The following MAP3K19 variants were observed in gnomAD, a reference collection of about 807,000 sequenced individuals.
MAP3K19 encodes the protein SPS1/STE20-related protein kinase YSK4.
MAP3K19 carries 91 observed loss-of-function variants against 114.4 expected under a neutral mutation model. The ratio of observed to expected loss-of-function variants is 0.80; its 90% CI spans 0.67 to 0.95. The LOEUF (loss-of-function observed/expected upper bound fraction) is 0.95, where lower values mean the gene tolerates loss of function less well. Ranked by LOEUF, MAP3K19 falls within the 40% of genes least tolerant of loss-of-function variation. The probability of loss-of-function intolerance (pLI) is 0.00; values close to 1 mark genes in which losing one functional copy is unlikely to be tolerated. For missense variants in MAP3K19, 1,471 were observed against 1,573.2 expected, an observed-to-expected ratio of 0.94 and a Z score of 1.10; for synonymous variants, 518 against 530.5, an observed-to-expected ratio of 0.98 and a Z score of 0.32.
chr2:134,967,090 A>G (rs558769290), intron 12 of MAP3K19, among the ~76,000 whole-genome samples: 134 of 152,320 alleles, frequency 8.8e-4, no homozygotes, highest in African/African-American at 3.2e-3. Flanking sequence ...GTGTTGTATG[A>G]AATCAAGGTT....
intron 5 of MAP3K19, among the ~76,000 whole-genome samples, chr2:135,020,153 G>A (rs940809521): frequency 2.6e-5 from 4 of 152,118 alleles, no homozygotes; most frequent in African/African-American, 9.7e-5. Flanking sequence ...GAGTAGCTGG[G>A]ATTACAGGTG....
Position 134,980,894 on chromosome 2 carries a change from G to T in MAP3K19, c.3847C>A (p.Arg1283=). The T allele has an allele frequency of 1.9e-6, 3 of 1,614,196 alleles. No homozygotes were observed. Among genetic ancestry groups the T allele is most frequent in the Non-Finnish European group, 2.5e-6 (3 of 1,180,042 alleles). ...TCTGGTAAAGGAGGCATCAGCCCTCGGTGTGCTCCGATGTAAAACATGGCG... is the reference window on the plus strand; with the variant it reads ...TCTGGTAAAGGAGGCATCAGCCCTCTGTGTGCTCCGATGTAAAACATGGCG... ...MAAMFYIGAH[R]GLMPPLPDHF... The change falls in exon 12 of 13, where the codon CGA becomes AGA. Residue 1283 remains arginine, a synonymous_variant. Transcript: ENST00000392915.
At chr2:135,022,611 T>A (rs964467429) in intron 4 of MAP3K19, among the ~76,000 whole-genome samples, 1 of 152,208 alleles carries the variant, frequency 6.6e-6, no homozygotes, top group Non-Finnish European at 1.5e-5. Flanking sequence ...TGAGGATAAT[T>A]TCTGCACAAT....
chr2:135,040,276 G>T (rs751206630), intron 2 of MAP3K19, 87 bp downstream of exon 2: 5 of 152,614 alleles, frequency 3.3e-5, no homozygotes, highest in Non-Finnish European at 5.9e-5. Context: ...ATGGCAATGG[G>T]TGATATCACT....
chr2:134,969,935 T>C (rs1377994483), intron 12 of MAP3K19, among the ~76,000 whole-genome samples: 2 of 152,256 alleles, frequency 1.3e-5, no homozygotes, highest in African/African-American at 4.8e-5. Flanking sequence ...TGGGGACTTA[T>C]TTCTGGGTTC....
intron 8 of MAP3K19, among the ~76,000 whole-genome samples, chr2:134,996,130 T>C (rs969804947): frequency 1.3e-5 from 2 of 151,498 alleles, no homozygotes; most frequent in African/African-American, 4.9e-5. Context: ...TTTTTATATA[T>C]GTACTTTTTT....
Position 134,981,189 on chromosome 2 carries a change from A to G in MAP3K19, c.3552T>C (p.His1184=), listed in dbSNP as rs770353326. 6.2e-7 allele frequency: 1 copy of G among 1,614,114 alleles called. No individual in the cohort carries two copies. The highest frequency in any genetic ancestry group is 1.1e-5 in the South Asian group (1 of 91,082). ...VAYLHENCVV[H]RDIKGNNVML... is the part of the protein sequence containing the mutation. ...TAACATTATTTCCTTTGATATCGCG[A>G]TGTACCACACAGTTCTCATGGAGAT... is the stretch of plus-strand genomic sequence containing the variant. Residue 1184 remains histidine, a synonymous_variant, in exon 12 of 13, where the codon CAT becomes CAC. Transcript: ENST00000392915.
chr2:134,998,959 T>C lies in MAP3K19; in HGVS notation c.353A>G (p.His118Arg), dbSNP rs776061897. The change falls in exon 8 of 13, where the codon CAT becomes CGT. Residue 118 changes from histidine to arginine, a missense_variant. By Grantham distance (29) the His-to-Arg change is conservative. Coordinates refer to ENST00000392915, the MANE Select transcript of MAP3K19 (RefSeq NM_025052.5). ...TATTTCATTTGGATGAGAAACTGCA[T>C]GTGCTTGTGCCCATTCTTGAAGCGA... ...NSSLQEWAQA[H>R]AVSHPNEIET... 3 of 1,614,130 alleles carry C rather than the reference T, an allele frequency of 1.9e-6. No homozygotes were observed. The East Asian group carries it at 6.7e-5, about 36-fold the overall frequency.
At chr2:135,015,554 T>C (rs1687526478) in intron 5 of MAP3K19, among the ~76,000 whole-genome samples, 1 of 152,222 alleles carries the variant, frequency 6.6e-6, no homozygotes, top group South Asian at 2.1e-4. Flanking sequence ...GCCCATTTAA[T>C]TAACTTTTCT....
At chr2:134,968,074 C>A (rs1434353159) in intron 12 of MAP3K19, among the ~76,000 whole-genome samples, 4 of 152,132 alleles carry the variant, frequency 2.6e-5, no homozygotes, top group Non-Finnish European at 4.4e-5. Context: ...AACGAGCATG[C>A]TGCCTTCAAG....
rs1264765175 is a variant in MAP3K19, at chr2:134,991,567, A to G, written c.588T>C (p.Ser196=). Residue 196 remains serine (S), a synonymous_variant, in exon 9 of 13, where the codon TCT becomes TCC. Transcript: ENST00000392915. ...QQRKSEEFST[S]HMKYSGRSIK... ...TGCTTCGGCCACTGTACTTCATATG[A>G]GAGGTCGAAAACTCTACAACAAGAA... 6.2e-7 allele frequency: 1 copy of G among 1,613,616 alleles called. No homozygotes were observed. Among genetic ancestry groups the G allele is most frequent in the Admixed American group, 1.7e-5 (1 of 60,026 alleles).
intron 12 of MAP3K19, among the ~76,000 whole-genome samples, chr2:134,970,844 G>A (rs892541261): frequency 2.0e-5 from 3 of 152,090 alleles, no homozygotes; most frequent in Non-Finnish European, 2.9e-5. Context: ...TGATCTGCCT[G>A]CCTTAGCCCC....
chr2:134,995,363 C>G (rs1186012437), intron 8 of MAP3K19, among the ~76,000 whole-genome samples: 2 of 151,206 alleles, frequency 1.3e-5, no homozygotes, highest in Non-Finnish European at 2.9e-5. Flanking sequence ...GCCACATATC[C>G]AGTACACAAG....
At chr2:135,025,406 G>A (rs1688221648) in intron 3 of MAP3K19, among the ~76,000 whole-genome samples, 1 of 106,548 alleles carries the variant, frequency 9.4e-6, no homozygotes. Flanking sequence ...TTTTTTTTGA[G>A]GCGGAGTCTT....
rs867487874 is a variant in MAP3K19, at chr2:134,985,083, A to G, written c.3072+717T>C. On this transcript the variant is annotated intron_variant, in intron 10 of 12. Coordinates refer to ENST00000392915, the MANE Select transcript of MAP3K19 (RefSeq NM_025052.5). Reference sequence around the variant, plus strand: ...AAATTTCAGTTTGGGAGGCTTGTGTACTTTAGTGAAAACGATAACAAAGAA... The same window carrying G: ...AAATTTCAGTTTGGGAGGCTTGTGTGCTTTAGTGAAAACGATAACAAAGAA... Among the ~76,000 whole-genome samples the G allele has an allele frequency of 3.3e-5, 5 of 152,216 alleles. No individual in the cohort carries two copies. In the South Asian group the frequency reaches 1.0e-3, roughly 32 times the overall value.
Position 134,988,092 on chromosome 2 carries a change from T to A in MAP3K19, c.780A>T (p.Pro260=). ...CTAGGGCTCCCGGAGGCTCGTTTGATGGGCTGAGCTCATCAGATTGACGAA... is the reference window on the plus strand; with the variant it reads ...CTAGGGCTCCCGGAGGCTCGTTTGAAGGGCTGAGCTCATCAGATTGACGAA... ...VSVRQSDELS[P]SNEPPGALVK... The change falls in exon 10 of 13, where the codon CCA becomes CCT. Residue 260 remains proline (P), a synonymous_variant. Transcript: ENST00000392915. 6.2e-7 allele frequency: 1 copy of A among 1,613,896 alleles called. No homozygotes were observed. The highest frequency in any genetic ancestry group is 8.5e-7 in the Non-Finnish European group (1 of 1,179,894).
At position 135,023,853 on chromosome 2, in the gene MAP3K19, C is replaced by T. The variant is rs1456497477; in HGVS notation, c.22+773G>A. 2.6e-5 allele frequency among the ~76,000 whole-genome samples: 4 copies of T among 152,184 alleles called. No homozygotes were observed. In the South Asian group the frequency reaches 8.3e-4, roughly 32 times the overall value. ...ACAGGTTAATATTCCTAAAACATGG[C>T]CTTCATCATTCTCTGGCTTAAAATT... is the stretch of plus-strand genomic sequence containing the variant. On this transcript the variant is annotated intron_variant, in intron 4 of 12. Transcript: ENST00000392915.
At chr2:135,024,555 G>T in intron 4 of MAP3K19, 71 bp downstream of exon 4, 1 of 1,337,138 alleles carries the variant, frequency 7.5e-7, no homozygotes, top group Non-Finnish European at 1.1e-6. Context: ...TCAAACAGAT[G>T]TAGAAAAAGA....
intron 6 of MAP3K19, among the ~76,000 whole-genome samples, chr2:135,004,876 T>C (rs1327058934): frequency 6.6e-6 from 1 of 151,910 alleles, no homozygotes; most frequent in South Asian, 2.1e-4. Flanking sequence ...ACACGTGTGG[T>C]TCCGGAAGGG....
Sources: allele counts gnomAD v4.1 joint callset (sites outside exome capture counted in the v4.1 genomes callset), GRCh38; gene constraint gnomAD v4.1.1; transcripts MANE v1.5; gene names NCBI Gene and HGNC (gene_info 2026-07-23, HGNC 2026-07-21).